PTPRT: variants seen among roughly 807,000 people sequenced by gnomAD.
PTPRT encodes the protein receptor-type tyrosine-protein phosphatase T.
In PTPRT, 56 loss-of-function variants were observed where a neutral mutation model predicts 176.8. That is an observed-to-expected ratio of 0.32 (90% confidence interval 0.26 to 0.40). The LOEUF is 0.40. Among genes scored for constraint, PTPRT ranks in the 10% least tolerant of loss-of-function variants. PTPRT has a pLI of 1.00. For synonymous variants in PTPRT, 783 were observed against 739.0 expected (o/e 1.06, Z -0.96); for missense variants, 1,540 against 1,908.2 (o/e 0.81, Z 3.60).
intron 15 of PTPRT, among the ~76,000 whole-genome samples, chr20:42,230,729 G>A (rs1254141721): frequency 6.6e-6 from 1 of 152,146 alleles, no homozygotes; most frequent in Non-Finnish European, 1.5e-5. Context: ...AGTGTTCCAG[G>A]TGGAAACAAT....
At chr20:42,159,004 C>T (rs1252086270) in intron 17 of PTPRT, among the ~76,000 whole-genome samples, 2 of 151,924 alleles carry the variant, frequency 1.3e-5, no homozygotes, top group African/African-American at 2.4e-5. Context: ...TAATCTAGAA[C>T]GAAATGCATG....
intron 7 of PTPRT, among the ~76,000 whole-genome samples, chr20:42,668,542 C>T (rs2075356356): frequency 6.6e-6 from 1 of 151,972 alleles, no homozygotes; most frequent in African/African-American, 2.4e-5. Flanking sequence ...AGAGAGAGAG[C>T]TTTATGTTTT....
At chr20:42,614,537 T>C (rs1365317040) in intron 7 of PTPRT, among the ~76,000 whole-genome samples, 1 of 142,910 alleles carries the variant, frequency 7.0e-6, no homozygotes, top group African/African-American at 2.9e-5. Context: ...CACTCCTTTG[T>C]CACCACCCCC....
chr20:42,378,909 A>G (rs2058673824), intron 9 of PTPRT, among the ~76,000 whole-genome samples: 1 of 152,234 alleles, frequency 6.6e-6, no homozygotes, highest in Admixed American at 6.5e-5. Context: ...CCTCATTTAG[A>G]GAAAAAAGAA....
chr20:42,842,772 G>C (rs944700739), intron 2 of PTPRT, among the ~76,000 whole-genome samples: 4 of 152,166 alleles, frequency 2.6e-5, no homozygotes, highest in African/African-American at 9.6e-5. Flanking sequence ...TCAAGGTGGT[G>C]GCAGGTTCCA....
intron 14 of PTPRT, among the ~76,000 whole-genome samples, chr20:42,243,541 G>A (rs549245417): frequency 6.6e-6 from 1 of 152,296 alleles, no homozygotes; most frequent in Non-Finnish European, 1.5e-5. Context: ...TAGGAACTTT[G>A]TAGGTTAAGA....
chr20:42,891,940 C>T (rs1164536306), intron 1 of PTPRT, among the ~76,000 whole-genome samples: 1 of 152,222 alleles, frequency 6.6e-6, no homozygotes, highest in South Asian at 2.1e-4. Flanking sequence ...CAGCCTCTGT[C>T]ACAACTACTC....
At chr20:42,911,773 G>A (rs572517180) in intron 1 of PTPRT, among the ~76,000 whole-genome samples, 1 of 151,994 alleles carries the variant, frequency 6.6e-6, no homozygotes, top group South Asian at 2.1e-4. Context: ...TGGCTTTTGA[G>A]ACTTTTTTTC....
At chr20:42,451,859 A>G (rs1436929399) in intron 8 of PTPRT, among the ~76,000 whole-genome samples, 1 of 152,220 alleles carries the variant, frequency 6.6e-6, no homozygotes, top group African/African-American at 2.4e-5. Flanking sequence ...GAGGCAAGTA[A>G]ACAATGCTGG....
At chr20:43,173,694 G>A (rs187710443) in intron 1 of PTPRT, among the ~76,000 whole-genome samples, 8 of 152,322 alleles carry the variant, frequency 5.3e-5, no homozygotes, top group Admixed American at 4.6e-4. Context: ...GGTCCCCAGT[G>A]TGAAATCAGG....
intron 6 of PTPRT, among the ~76,000 whole-genome samples, chr20:42,733,987 T>C (rs991791389): frequency 2.6e-5 from 4 of 152,154 alleles, no homozygotes; most frequent in Non-Finnish European, 4.4e-5. Flanking sequence ...GAGTCTCAAC[T>C]GGGAAGCAGA....
intron 16 of PTPRT, among the ~76,000 whole-genome samples, chr20:42,166,851 G>A (rs1448321785): frequency 6.6e-6 from 1 of 152,062 alleles, no homozygotes; most frequent in African/African-American, 2.4e-5. Flanking sequence ...AACCAGGGAG[G>A]TGGAAGTTGC....
chr20:43,009,424 C>T (rs1181812523), intron 1 of PTPRT, among the ~76,000 whole-genome samples: 1 of 152,108 alleles, frequency 6.6e-6, no homozygotes, highest in African/African-American at 2.4e-5. Context: ...GTGTTATGGG[C>T]CATGAAATGC....
chr20:42,609,043 G>A (rs1407302752), intron 7 of PTPRT, among the ~76,000 whole-genome samples: 1 of 152,116 alleles, frequency 6.6e-6, no homozygotes, highest in Non-Finnish European at 1.5e-5. Flanking sequence ...CCGTCTCTAT[G>A]AGGAAGATAA....
intron 13 of PTPRT, among the ~76,000 whole-genome samples, chr20:42,254,449 A>G (rs2056602799): frequency 6.6e-6 from 1 of 152,140 alleles, no homozygotes; most frequent in Non-Finnish European, 1.5e-5. Flanking sequence ...AATGTTCCAG[A>G]GATTATTGAC....
intron 19 of PTPRT, among the ~76,000 whole-genome samples, chr20:42,123,881 T>G (rs1987713560): frequency 6.6e-6 from 1 of 152,200 alleles, no homozygotes; most frequent in South Asian, 2.1e-4. Flanking sequence ...TATCACCAAA[T>G]AGCACACTAT....
intron 9 of PTPRT, among the ~76,000 whole-genome samples, chr20:42,389,168 C>G (rs999994654): frequency 6.6e-6 from 1 of 151,628 alleles, no homozygotes; most frequent in African/African-American, 2.4e-5. Context: ...GGAGATATAT[C>G]TAATGTAAAT....
chr20:42,525,112 C>T lies in PTPRT; in HGVS notation c.1154-52550G>A, dbSNP rs531408626. 2.4e-4 allele frequency among the ~76,000 whole-genome samples: 37 copies of T among 152,140 alleles called. 1 individual carries two copies. Among genetic ancestry groups the T allele is most frequent in the Admixed American group, 1.6e-3 (25 of 15,280 alleles). ...AAGCTATTCTTCCACCTCAGCCTCC[C>T]GCTGGGACTATATGAGCACACCACC... On this transcript the variant is annotated intron_variant, in intron 7 of 30. Coordinates refer to ENST00000373187, the MANE Select transcript of PTPRT (RefSeq NM_007050.6).
chr20:42,078,451 C>G lies in PTPRT; in HGVS notation c.*2428G>C. On this transcript the variant is annotated 3_prime_UTR_variant, in exon 31 of 31. Transcript: ENST00000373187. ...TCCATTGCATATTTAGTTCCAGCAACAAAACAATGAGCAGACAGACAAATA... is the reference window on the plus strand; with the variant it reads ...TCCATTGCATATTTAGTTCCAGCAAGAAAACAATGAGCAGACAGACAAATA... 1 of 209,474 alleles carries G rather than the reference C, an allele frequency of 4.8e-6. No homozygotes were observed. The highest frequency in any genetic ancestry group is 9.7e-6 in the Non-Finnish European group (1 of 102,874). 13.0% of individuals were successfully genotyped at this position (209,474 alleles called of 1,614,324 possible).
Sources: allele counts gnomAD v4.1 joint callset (sites outside exome capture counted in the v4.1 genomes callset), GRCh38; gene constraint gnomAD v4.1.1; transcripts MANE v1.5; gene names NCBI Gene and HGNC (gene_info 2026-07-23, HGNC 2026-07-21).